Variants in COL4A5 observed in about 807,000 individuals in gnomAD.
COL4A5 encodes the protein collagen type IV alpha 5 chain, also known as collagen alpha-5(IV) chain.
COL4A5 carries 26 observed loss-of-function variants against 130.2 expected under a neutral mutation model. The observed-to-expected ratio is 0.20, with a 90% CI of 0.15 to 0.28. COL4A5 has a LOEUF of 0.28. COL4A5 is among the 10% of genes least tolerant of loss of function. COL4A5 has a pLI of 1.00. For missense variants in COL4A5, 1,131 were observed against 1,344.3 expected, an observed-to-expected ratio of 0.84 and a Z score of 2.48; for synonymous variants, 496 against 439.6, an observed-to-expected ratio of 1.13 and a Z score of -1.60.
At chrX:108,466,208 G>GTA (rs1482484317) in intron 1 of COL4A5, among the ~76,000 whole-genome samples, 1 of 110,700 alleles carries the variant, frequency 9.0e-6, no homozygotes, top group African/African-American at 3.3e-5. Context: ...CTATGAACAT[G>GTA]TATATATATA....
At chrX:108,667,057 TA>T in intron 39 of COL4A5, 75 bp from the exon 40 acceptor site, 1 of 964,246 alleles carries the variant, frequency 1.0e-6, no homozygotes, top group Non-Finnish European at 1.5e-6. Context: ...CTCAATGATC[TA>T]AAAATAATTT....
chrX:108,631,840 G>A (rs1353115747), intron 36 of COL4A5, among the ~76,000 whole-genome samples: 1 of 111,086 alleles, frequency 9.0e-6, no homozygotes, highest in Non-Finnish European at 1.9e-5. Context: ...GTGTGTAGAG[G>A]GAAATTTATA....
intron 1 of COL4A5, among the ~76,000 whole-genome samples, chrX:108,441,836 TGAC>T (rs767451799): frequency 1.3e-3 from 142 of 112,061 alleles, no homozygotes; most frequent in African/African-American, 4.1e-3. Flanking sequence ...TTGCACCAGA[TGAC>T]AACTATACAG....
intron 1 of COL4A5, among the ~76,000 whole-genome samples, chrX:108,484,853 C>T (rs893527100): frequency 3.6e-5 from 4 of 112,577 alleles, no homozygotes; most frequent in South Asian, 3.7e-4. Context: ...TAGCAGGTGG[C>T]GAATCCAGGC....
chrX:108,575,930 T>C lies in COL4A5; in HGVS notation c.567T>C (p.Gly189=), dbSNP rs1383359640. ...AACAGGGCCTACCTGGTCCCACTGG[T>C]ATACCAGGGCCAATTGGTCCCCCAG... ...PGIQGLPGPT[G]IPGPIGPPGP... Residue 189 remains glycine, a synonymous_variant, in exon 10 of 53, where the codon GGT becomes GGC. Coordinates refer to ENST00000328300, the MANE Select transcript of COL4A5 (RefSeq NM_033380.3). The C allele has an allele frequency of 8.4e-7, 1 of 1,193,588 alleles. No individual in the cohort carries two copies. The highest frequency in any genetic ancestry group is 1.1e-6 in the Non-Finnish European group (1 of 880,913).
intron 1 of COL4A5, among the ~76,000 whole-genome samples, chrX:108,496,597 TA>T (rs1163140590): frequency 2.7e-5 from 3 of 111,912 alleles, no homozygotes; most frequent in African/African-American, 6.5e-5. Context: ...GATTTCTTCA[TA>T]TTTTTTCTGT....
intron 36 of COL4A5, among the ~76,000 whole-genome samples, chrX:108,637,281 G>A (rs1406940309): frequency 1.8e-5 from 2 of 110,831 alleles, no homozygotes; most frequent in African/African-American, 3.3e-5. Flanking sequence ...ATACCAAAAC[G>A]TACAGGATGT....
intron 7 of COL4A5, 121 bp from the exon 8 acceptor site, chrX:108,571,690 T>G: frequency 1.7e-6 from 1 of 596,463 alleles, no homozygotes; most frequent in Non-Finnish European, 2.8e-6. Context: ...CTAAGGTATA[T>G]CCTATTCAGA....
At chrX:108,571,579 A>C (rs1410886276) in intron 7 of COL4A5, 113 bp downstream of exon 7, 1 of 662,779 alleles carries the variant, frequency 1.5e-6, no homozygotes, top group Non-Finnish European at 2.4e-6. Context: ...TTTTAAAGTA[A>C]TAAACTAGAG....
At chrX:108,663,804 T>G (rs1360672907) in intron 37 of COL4A5, among the ~76,000 whole-genome samples, 2 of 111,498 alleles carry the variant, frequency 1.8e-5, no homozygotes, top group Non-Finnish European at 3.8e-5. Context: ...TGATTCCAGT[T>G]TAACCCAACA....
At chrX:108,472,646 C>A (rs1447727451) in intron 1 of COL4A5, among the ~76,000 whole-genome samples, 1 of 111,641 alleles carries the variant, frequency 9.0e-6, no homozygotes, top group Admixed American at 9.5e-5. Context: ...CACCCCAGCT[C>A]TCTTTTGGTC....
At chrX:108,614,530 A>G (rs2066891363) in intron 29 of COL4A5, among the ~76,000 whole-genome samples, 1 of 111,880 alleles carries the variant, frequency 8.9e-6, no homozygotes, top group Non-Finnish European at 1.9e-5. Context: ...GAACATGTTT[A>G]TAAGCCATGG....
At chrX:108,671,066 A>G (rs1385013602) in intron 42 of COL4A5, among the ~76,000 whole-genome samples, 2 of 111,149 alleles carry the variant, frequency 1.8e-5, no homozygotes, top group African/African-American at 6.5e-5. Context: ...CAACCAGCAC[A>G]GATTACGAGG....
chrX:108,444,493 A>G (rs1003983972), intron 1 of COL4A5, among the ~76,000 whole-genome samples: 7 of 111,822 alleles, frequency 6.3e-5, no homozygotes, highest in Non-Finnish European at 1.3e-4. Flanking sequence ...TGCTGGGATT[A>G]CAGGCGTGAG....
intron 2 of COL4A5, among the ~76,000 whole-genome samples, chrX:108,551,101 A>G (rs946142918): frequency 1.8e-5 from 2 of 111,785 alleles, no homozygotes; most frequent in Non-Finnish European, 3.8e-5. Flanking sequence ...ATTTATGACT[A>G]AGTTCCCAAA....
intron 48 of COL4A5, among the ~76,000 whole-genome samples, chrX:108,686,571 T>A (rs1419834401): frequency 8.9e-6 from 1 of 111,974 alleles, no homozygotes; most frequent in East Asian, 2.8e-4. Context: ...AGTTTCATAT[T>A]GAGATGATAA....
intron 18 of COL4A5, among the ~76,000 whole-genome samples, chrX:108,585,690 A>G (rs1423419874): frequency 3.6e-5 from 4 of 111,670 alleles, no homozygotes; most frequent in East Asian, 5.5e-4. Context: ...TTATAGGTCT[A>G]TAAGAAGAAT....
chrX:108,655,134 A>T (rs1284708694), intron 36 of COL4A5, among the ~76,000 whole-genome samples, 197 bp from the exon 37 acceptor site: 1 of 111,995 alleles, frequency 8.9e-6, no homozygotes, highest in Non-Finnish European at 1.9e-5. Flanking sequence ...GCTTCTCAAG[A>T]TTCAGTTTTC....
At chrX:108,633,542 G>A (rs2067303716) in intron 36 of COL4A5, among the ~76,000 whole-genome samples, 1 of 108,621 alleles carries the variant, frequency 9.2e-6, no homozygotes, top group African/African-American at 3.3e-5. Context: ...TTTTTTTTCT[G>A]GAATGAGTGA....
Sources: gnomAD v4.1 joint callset for allele counts (sites outside exome capture counted in the v4.1 genomes callset) on GRCh38, gnomAD v4.1.1 for gene constraint, MANE v1.5 for transcripts, NCBI Gene and HGNC (gene_info 2026-07-23, HGNC 2026-07-21) for gene names.